The following ERC2 variants were observed in gnomAD, a reference collection of about 807,000 sequenced individuals.
ERC2 encodes ELKS/RAB6-interacting/CAST family member 2, also known as ERC protein 2.
A neutral mutation model predicts 114.8 loss-of-function variants in ERC2; 42 were observed. That is an observed-to-expected ratio of 0.37 (90% CI 0.29 to 0.47). ERC2 has a LOEUF of 0.47. Among genes scored for constraint, ERC2 ranks in the 20% least tolerant of loss-of-function variants. The pLI is 0.99. For missense variants in ERC2, 939 were observed against 1,150.7 expected, an observed-to-expected ratio of 0.82 and a Z score of 2.66; for synonymous variants, 454 against 425.5, an observed-to-expected ratio of 1.07 and a Z score of -0.82.
Position 56,149,045 on chromosome 3 carries a change from C to A in ERC2, c.1237G>T (p.Glu413Ter). The change falls in exon 5 of 18, where the codon GAG (glutamate) becomes TAG (stop). Residue 413 changes from glutamate (E) to a stop codon, truncating the protein, a stop_gained. Coordinates refer to ENST00000288221, the MANE Select transcript of ERC2 (RefSeq NM_015576.3). LOFTEE classifies it high-confidence loss of function. ...MLKANGVLNT[E>*]DREEEIKQIE... ...TGTTTGATCTCTTCTTCGCGGTCCTCAGTGTTCAGCACACCATTGGCTTTT... is the reference window on the plus strand; with the variant it reads ...TGTTTGATCTCTTCTTCGCGGTCCTAAGTGTTCAGCACACCATTGGCTTTT... The A allele has an allele frequency of 6.2e-7, 1 of 1,613,460 alleles. No homozygotes were observed.
chr3:55,844,234 A>G (rs1215434843), intron 14 of ERC2, among the ~76,000 whole-genome samples: 2 of 152,214 alleles, frequency 1.3e-5, no homozygotes, highest in Non-Finnish European at 2.9e-5. Flanking sequence ...ATGTAGGCAA[A>G]TGTTCATCAA....
At chr3:55,810,706 T>C (rs941453522) in intron 14 of ERC2, among the ~76,000 whole-genome samples, 3 of 152,182 alleles carry the variant, frequency 2.0e-5, no homozygotes, top group African/African-American at 7.2e-5. Flanking sequence ...GTGATCCACC[T>C]GCCTTGGCCT....
intron 2 of ERC2, among the ~76,000 whole-genome samples, chr3:56,381,574 A>G (rs1379800968): frequency 1.3e-5 from 2 of 152,152 alleles, no homozygotes; most frequent in Admixed American, 1.3e-4. Flanking sequence ...AGCCAGTTGC[A>G]GAGAATAGAT....
chr3:55,926,483 A>G (rs764664714), intron 13 of ERC2, among the ~76,000 whole-genome samples: 2 of 151,674 alleles, frequency 1.3e-5, no homozygotes, highest in Non-Finnish European at 2.9e-5. Flanking sequence ...TATATCATTT[A>G]TCAAGGATTG....
chr3:55,907,875 A>AAGTTGGT (rs1220295025), intron 13 of ERC2, among the ~76,000 whole-genome samples: 3 of 152,220 alleles, frequency 2.0e-5, no homozygotes, highest in Non-Finnish European at 4.4e-5. Context: ...AACGATAAGT[A>AAGTTGGT]TTATTTACTA....
At chr3:56,233,481 T>A (rs1240833442) in intron 3 of ERC2, among the ~76,000 whole-genome samples, 1 of 151,852 alleles carries the variant, frequency 6.6e-6, no homozygotes, top group Admixed American at 6.6e-5. Flanking sequence ...TTAAATCTAC[T>A]AAAAATACAA....
chr3:56,262,667 C>G (rs776982231), intron 3 of ERC2, among the ~76,000 whole-genome samples: 13 of 152,208 alleles, frequency 8.5e-5, no homozygotes, highest in Non-Finnish European at 1.8e-4. Flanking sequence ...TCACTTGTCA[C>G]CTACATTTTG....
At chr3:56,299,213 C>T (rs1450357161) in intron 2 of ERC2, among the ~76,000 whole-genome samples, 2 of 150,750 alleles carry the variant, frequency 1.3e-5, no homozygotes, top group Non-Finnish European at 1.5e-5. Flanking sequence ...CTGCAAGCTC[C>T]GCCTCCCGGG....
rs1052813671 is a variant in ERC2 at position 55,734,906 on chromosome 3, T to C, written c.2577A>G (p.Leu859=). ...CATCTTTTTCACTGATGGCTGCAAG[T>C]AGTGCTTCCTGTCTGGTAAAATAAA... The part of the protein sequence containing the change: ...EEILEMKQEA[L]LAAISEKDAN... Residue 859 remains leucine (L), a synonymous_variant, in exon 15 of 18, where the codon CTA becomes CTG. Coordinates refer to ENST00000288221, the MANE Select transcript of ERC2 (RefSeq NM_015576.3). 1.3e-6 allele frequency: 2 copies of C among 1,597,586 alleles called. No homozygotes were observed.
intron 16 of ERC2, among the ~76,000 whole-genome samples, chr3:55,685,427 T>A (rs760900579): frequency 6.6e-6 from 1 of 152,230 alleles, no homozygotes; most frequent in Non-Finnish European, 1.5e-5. Context: ...AGTCTAATAA[T>A]TGCTCTTGCC....
intron 14 of ERC2, among the ~76,000 whole-genome samples, chr3:55,795,080 C>T (rs2070366968): frequency 6.6e-6 from 1 of 152,174 alleles, no homozygotes; most frequent in African/African-American, 2.4e-5. Context: ...AGATTTTCCA[C>T]TGACTAATAA....
intron 14 of ERC2, among the ~76,000 whole-genome samples, chr3:55,841,013 G>A (rs2061108694): frequency 6.6e-6 from 1 of 152,144 alleles, no homozygotes; most frequent in East Asian, 1.9e-4. Flanking sequence ...GAAATTTGGG[G>A]TAGTAATGGA....
intron 3 of ERC2, among the ~76,000 whole-genome samples, chr3:56,182,595 T>A (rs2083348380): frequency 6.6e-6 from 1 of 152,226 alleles, no homozygotes; most frequent in South Asian, 2.1e-4. Flanking sequence ...TTATCACCAT[T>A]TTTCACTTGA....
intron 13 of ERC2, among the ~76,000 whole-genome samples, chr3:55,905,790 C>T (rs537799704): frequency 3.3e-4 from 50 of 152,160 alleles, no homozygotes; most frequent in African/African-American, 1.1e-3. Flanking sequence ...TGTTTCCAGG[C>T]CCCTTCTCCC....
chr3:56,313,772 C>T lies in ERC2; in HGVS notation c.658-17337G>A, dbSNP rs1437448940. On this transcript the variant is annotated intron_variant, in intron 2 of 17. Transcript: ENST00000288221. ...TCTTCCAAGCATCAATAGGCTGTGG[C>T]AGCTGACCCTCACCATCAGAAGCTA... is the stretch of plus-strand genomic sequence containing the variant. Among the ~76,000 whole-genome samples, 9 of 152,210 alleles carry T rather than the reference C, an allele frequency of 5.9e-5. No homozygotes were observed. In the South Asian group the frequency reaches 1.9e-3, roughly 31 times the overall value.
chr3:55,829,253 C>A (rs2060467986), intron 14 of ERC2, among the ~76,000 whole-genome samples: 1 of 152,108 alleles, frequency 6.6e-6, no homozygotes, highest in Non-Finnish European at 1.5e-5. Context: ...CAGACAAAGA[C>A]TTTAAAGCAA....
intron 2 of ERC2, among the ~76,000 whole-genome samples, chr3:56,410,936 T>C (rs958463740): frequency 2.6e-5 from 4 of 151,794 alleles, no homozygotes; most frequent in East Asian, 1.9e-4. Flanking sequence ...AGTAGGAATA[T>C]GATATTTATA....
chr3:55,614,355 C>CT (rs1482296488), intron 17 of ERC2, among the ~76,000 whole-genome samples: 1 of 152,064 alleles, frequency 6.6e-6, no homozygotes, highest in African/African-American at 2.4e-5. Context: ...TCTGGGTATT[C>CT]TTTTTCTCTG....
At chr3:55,801,270 A>G (rs1449809437) in intron 14 of ERC2, among the ~76,000 whole-genome samples, 1 of 152,210 alleles carries the variant, frequency 6.6e-6, no homozygotes, top group Non-Finnish European at 1.5e-5. Context: ...TAATTCCCGG[A>G]CCTGGGTAAA....
Sources: allele counts gnomAD v4.1 joint callset (sites outside exome capture counted in the v4.1 genomes callset), GRCh38; gene constraint gnomAD v4.1.1; transcripts MANE v1.5; gene names NCBI Gene and HGNC (gene_info 2026-07-23, HGNC 2026-07-21).